The following RARG variants were observed in gnomAD, a reference collection of about 807,000 sequenced individuals.
The protein encoded by RARG is RAR-gamma.
Under a neutral mutation model 43.7 loss-of-function variants are expected in RARG, and 17 were observed. The ratio of observed to expected loss-of-function variants is 0.39; its 90% CI spans 0.27 to 0.58. The LOEUF is 0.58. Among genes scored for constraint, RARG ranks in the 20% least tolerant of loss-of-function variants. The pLI is 0.57. For synonymous variants in RARG, 238 were observed against 236.4 expected, an observed-to-expected ratio of 1.01 and a Z score of -0.06; for missense variants, 346 against 598.7, an observed-to-expected ratio of 0.58 and a Z score of 4.40.
intron 3 of RARG, among the ~76,000 whole-genome samples, chr12:53,218,485 T>C (rs1490500453): frequency 1.3e-5 from 2 of 152,040 alleles, no homozygotes; most frequent in African/African-American, 4.8e-5. Flanking sequence ...CCCCATCCTA[T>C]TGGGCAATGA....
intron 3 of RARG, among the ~76,000 whole-genome samples, chr12:53,216,837 T>C (rs1316938531): frequency 7.2e-6 from 1 of 139,498 alleles, no homozygotes; most frequent in Admixed American, 7.0e-5. Flanking sequence ...TGTGTGTGTG[T>C]GTGTGCGCGC....
At chr12:53,228,010 A>C (rs1204844984) in intron 2 of RARG, among the ~76,000 whole-genome samples, 1 of 152,244 alleles carries the variant, frequency 6.6e-6, no homozygotes, top group East Asian at 1.9e-4. Context: ...CCTAAACCTC[A>C]CATCAGTCCT....
intron 2 of RARG, among the ~76,000 whole-genome samples, chr12:53,230,347 G>A (rs1252203433): frequency 1.3e-5 from 2 of 151,968 alleles, no homozygotes; most frequent in South Asian, 2.1e-4. Flanking sequence ...AGGGGGGTGT[G>A]TTTCCCTGTC....
intron 9 of RARG, among the ~76,000 whole-genome samples, chr12:53,212,635 CCTCAAGA>C (rs1011625307): frequency 2.0e-5 from 3 of 152,030 alleles, no homozygotes; most frequent in African/African-American, 7.3e-5. Context: ...CTAATTTAGT[CCTCAAGA>C]CAGCGTTACA....
Position 53,213,238 on chromosome 12 carries a change from T to C in RARG, c.1024A>G (p.Met342Val), listed in dbSNP as rs376354739. Residue 342 changes from methionine to valine, a missense_variant, in exon 9 of 10, where the codon ATG becomes GTG. Coordinates refer to ENST00000425354, the MANE Select transcript of RARG (RefSeq NM_000966.6). This position sits in a 1 kb window ranked among gnomAD's most constrained non-coding sequence, Gnocchi z 4.7. Reference protein sequence around the residue: ...SAICLICGDRMDLEEPEKVDK... With the variant: ...SAICLICGDRVDLEEPEKVDK... ...ACTTTTTCGGGCTCCTCCAGGTCCA[T>C]GCGGTCTATGGGGACAAGTATACTG... 342 of 1,577,452 alleles carry C rather than the reference T, an allele frequency of 2.2e-4. No homozygotes were observed. Among genetic ancestry groups the C allele is most frequent in the Non-Finnish European group, 2.9e-4 (333 of 1,147,052 alleles).
rs865989392 is a variant in RARG at position 53,213,240 on chromosome 12, C to T, written c.1022G>A (p.Arg341His). Residue 341 changes from arginine (R) to histidine (H), a missense_variant, in exon 9 of 10, where the codon CGC becomes CAC. Around this residue, in one of 8 missense-constraint regions of RARG, gnomAD observed 17 missense variants for 35.8 expected, o/e 0.48. Transcript: ENST00000425354. The surrounding 1 kb of genome is among the most constrained non-coding windows in gnomAD (Gnocchi z 4.7). ...TTTTTCGGGCTCCTCCAGGTCCATG[C>T]GGTCTATGGGGACAAGTATACTGGA... ...LSAICLICGD[R>H]MDLEEPEKVD... 2 of 1,575,520 alleles carry T rather than the reference C, an allele frequency of 1.3e-6. No individual in the cohort carries two copies. The highest frequency in any genetic ancestry group is 1.7e-6 in the Non-Finnish European group (2 of 1,145,658).
At chr12:53,229,210 G>T (rs1454428302) in intron 2 of RARG, among the ~76,000 whole-genome samples, 1 of 152,202 alleles carries the variant, frequency 6.6e-6, no homozygotes, top group African/African-American at 2.4e-5. Flanking sequence ...GCAGAGAAGG[G>T]CCAAGAGACT....
intron 9 of RARG, among the ~76,000 whole-genome samples, chr12:53,212,731 TATATATAC>T (rs1228629708): frequency 1.4e-3 from 172 of 125,550 alleles, no homozygotes; most frequent in African/African-American, 5.3e-3. Context: ...TCTCTAAATA[TATATATAC>T]ACACACACAC....
At position 53,213,409 on chromosome 12, in the gene RARG, C is replaced by T. The variant is rs1942665316; in HGVS notation, c.1018+87G>A. 3 of 1,526,046 alleles carry T rather than the reference C, an allele frequency of 2.0e-6. No homozygotes were observed. Among genetic ancestry groups the T allele is most frequent in the Middle Eastern group, 1.7e-4 (1 of 5,946 alleles). The allele number at this position is 1,526,046 out of a possible 1,614,324, so 94.5% of individuals were successfully genotyped here. On this transcript the variant is annotated intron_variant, in intron 8 of 9. Coordinates refer to ENST00000425354, the MANE Select transcript of RARG (RefSeq NM_000966.6). The surrounding 1 kb of genome is among the most constrained non-coding windows in gnomAD (Gnocchi z 4.7). ...TACCAGCAGAAGAGACCACTGGGTC[C>T]TCCACGCCCCCTCCCAGACAGATTC...
intron 3 of RARG, among the ~76,000 whole-genome samples, chr12:53,216,846 G>A (rs920694008): frequency 4.3e-5 from 5 of 116,770 alleles, no homozygotes; most frequent in Admixed American, 7.9e-5. Context: ...GTGTGTGCGC[G>A]CGCGCGCGCG....
chr12:53,215,934 G>A lies in RARG; in HGVS notation c.185-140C>T. 1 of 929,452 alleles carries A rather than the reference G, an allele frequency of 1.1e-6. No individual in the cohort carries two copies. The highest frequency in any genetic ancestry group is 1.9e-5 in the South Asian group (1 of 53,952). 57.6% of individuals were successfully genotyped at this position (929,452 alleles called of 1,614,324 possible). The stretch of plus-strand genomic sequence containing the variant: ...TCACTACCACAGTGCACTAGTTCCA[G>A]CAGTAAGCACTGTCAGAATCCTCTT... On this transcript the variant is annotated intron_variant, in intron 3 of 9. Coordinates refer to ENST00000425354, the MANE Select transcript of RARG (RefSeq NM_000966.6). The surrounding 1 kb of genome is among the most constrained non-coding windows in gnomAD (Gnocchi z 6.4).
chr12:53,213,719 G>A lies in RARG; in HGVS notation c.814-19C>T. The A allele has an allele frequency of 6.3e-7, 1 of 1,593,504 alleles. No individual in the cohort carries two copies. Among genetic ancestry groups the A allele is most frequent in the Non-Finnish European group, 8.6e-7 (1 of 1,162,152 alleles). On this transcript the variant is annotated intron_variant, in intron 7 of 9. Coordinates refer to ENST00000425354, the MANE Select transcript of RARG (RefSeq NM_000966.6). The surrounding 1 kb of genome is among the most constrained non-coding windows in gnomAD (Gnocchi z 4.7). ...GCAGCATCTGGAGGTGGGGGGTGGA[G>A]GAGGGTTAGTGCTGTTTCTGGGGGA...
At chr12:53,231,849 CGGCCAGCCT>C in intron 1 of RARG, 116 bp downstream of exon 1, 1 of 384,930 alleles carries the variant, frequency 2.6e-6, no homozygotes, top group African/African-American at 2.1e-5. Context: ...TCAAGCCCGG[CGGCCAGCCT>C]GGCCAGCCTC....
chr12:53,222,591 G>C (rs909971472), intron 3 of RARG, among the ~76,000 whole-genome samples: 1 of 152,186 alleles, frequency 6.6e-6, no homozygotes, highest in Non-Finnish European at 1.5e-5. Context: ...AGGAAGCCAT[G>C]AGTCCTCAAT....
At position 53,232,106 on chromosome 12, in the gene RARG, G is replaced by A. The variant is rs999454900; in HGVS notation, c.-342C>T. ...CTGGGGGGGCACGGCTCTAGGCTGG[G>A]ACTGTCCCGGGGCCTCTCGGAGCCC... is the stretch of plus-strand genomic sequence containing the variant. On this transcript the variant is annotated 5_prime_UTR_variant, in exon 1 of 10. Coordinates refer to ENST00000425354, the MANE Select transcript of RARG (RefSeq NM_000966.6). 5.3e-5 allele frequency: 21 copies of A among 398,746 alleles called. No homozygotes were observed. Among genetic ancestry groups the A allele is most frequent in the African/African-American group, 2.3e-4 (11 of 48,764 alleles). 24.7% of individuals were successfully genotyped at this position (398,746 alleles called of 1,614,324 possible). A position where few individuals can be genotyped will look rare whatever the true frequency, so the allele number is the denominator to read the frequency against.
At chr12:53,223,521 C>CG (rs1943031905) in intron 3 of RARG, among the ~76,000 whole-genome samples, 1 of 137,404 alleles carries the variant, frequency 7.3e-6, no homozygotes, top group African/African-American at 3.1e-5. Context: ...CCGGCTCCCC[C>CG]CGCCCCCCCC....
At chr12:53,231,883 C>T in intron 1 of RARG, 91 bp downstream of exon 1, 1 of 392,944 alleles carries the variant, frequency 2.5e-6, no homozygotes, top group Non-Finnish European at 4.5e-6. Flanking sequence ...GGGCATTCGC[C>T]CGTGCAGCTC....
At position 53,228,693 on chromosome 12, in the gene RARG, TTCTC is replaced by T. The variant is rs531971649; in HGVS notation, c.-142-1010_-142-1007del. Among the ~76,000 whole-genome samples, 1,091 of 151,840 alleles carry T rather than the reference TTCTC, an allele frequency of 7.2e-3. 8 individuals carry two copies. The highest frequency in any genetic ancestry group is 0.025 in the African/African-American group (1,046 of 41,408). On this transcript the variant is annotated intron_variant, in intron 2 of 9. Transcript: ENST00000425354. ...TGACTTTACTTCTCTGCCTCCTTTTTTCTCTCTCTCTCTCTCTTTTTTTGTTTTG... is the reference window on the plus strand; with the variant it reads ...TGACTTTACTTCTCTGCCTCCTTTTTTCTCTCTCTCTCTTTTTTTGTTTTG...
Position 53,215,869 on chromosome 12 carries a change from C to A in RARG, c.185-75G>T. The stretch of plus-strand genomic sequence containing the variant: ...CCTCCAGGCTTCCTCATCACACACA[C>A]CCCATGTGCATTTGTTCCTTGGCCC... On this transcript the variant is annotated intron_variant, in intron 3 of 9. Coordinates refer to ENST00000425354, the MANE Select transcript of RARG (RefSeq NM_000966.6). The surrounding 1 kb of genome is among the most constrained non-coding windows in gnomAD (Gnocchi z 6.4). The A allele has an allele frequency of 7.0e-7, 1 of 1,438,504 alleles. No homozygotes were observed. Among genetic ancestry groups the A allele is most frequent in the Non-Finnish European group, 9.3e-7 (1 of 1,077,576 alleles). The allele number at this position is 1,438,504 out of a possible 1,614,324, so 89.1% of individuals were successfully genotyped here.
Sources: allele counts gnomAD v4.1 joint callset (sites outside exome capture counted in the v4.1 genomes callset), GRCh38; gene constraint gnomAD v4.1.1; regional missense constraint gnomAD v4.1.1; non-coding constraint Gnocchi (gnomAD v3.1); transcripts MANE v1.5; gene names NCBI Gene and HGNC (gene_info 2026-07-23, HGNC 2026-07-21).